The following KLC1 variants were observed in gnomAD, a reference collection of about 807,000 sequenced individuals.
KLC1 encodes the protein kinesin 2 60/70kDa.
In KLC1, 30 loss-of-function variants were observed where a neutral mutation model predicts 84.2. The ratio of observed to expected loss-of-function variants is 0.36; its 90% CI spans 0.27 to 0.48. The LOEUF is 0.48. KLC1 is among the 20% of genes least tolerant of loss of function. The pLI is 0.99. For missense variants in KLC1, 499 were observed against 805.4 expected (o/e 0.62, Z 4.60); for synonymous variants, 289 against 293.3 (o/e 0.99, Z 0.15).
chr14:103,672,994 A>G lies in KLC1; in HGVS notation c.988-20A>G, dbSNP rs1448576734. On this transcript the variant is annotated intron_variant, in intron 7 of 16. Transcript: ENST00000334553. Reference sequence around the variant, plus strand: ...TGGAAGCAGAACAAGTGTCTCTAATATGCTGTTTTTTATTTTCAGGTTTTG... The same window carrying G: ...TGGAAGCAGAACAAGTGTCTCTAATGTGCTGTTTTTTATTTTCAGGTTTTG... The G allele has an allele frequency of 3.1e-6, 5 of 1,611,426 alleles. No homozygotes were observed. The highest frequency in any genetic ancestry group is 4.2e-6 in the Non-Finnish European group (5 of 1,177,842).
At chr14:103,673,787 A>G (rs578246453) in intron 9 of KLC1, among the ~76,000 whole-genome samples, 370 of 152,166 alleles carry the variant, frequency 2.4e-3, no homozygotes, top group African/African-American at 8.6e-3. Context: ...GCCGGGTGTG[A>G]TGGCGGCCGC....
intron 12 of KLC1, 105 bp downstream of exon 12, chr14:103,677,628 G>A: frequency 1.3e-6 from 1 of 746,500 alleles, no homozygotes; most frequent in Non-Finnish European, 2.3e-6. Context: ...AGAAAATGTT[G>A]ATTATTTTAG....
Position 103,694,995 on chromosome 14 carries a change from G to A in KLC1, c.1848+2570G>A, listed in dbSNP as rs540883750. ...GCCCTGTGGAGCCAGCGTTGTCCCC[G>A]AGCTGCTCGCCTGTGGCCGTGGCTC... On this transcript the variant is annotated intron_variant, in intron 15 of 16. Coordinates refer to ENST00000334553, the MANE Select transcript of KLC1 (RefSeq NM_001394837.1). The surrounding 1 kb of genome is among the most constrained non-coding windows in gnomAD (Gnocchi z 4.5). 3.0e-6 allele frequency: 3 copies of A among 985,386 alleles called. No individual in the cohort carries two copies. The highest frequency in any genetic ancestry group is 4.7e-5 in the South Asian group (1 of 21,288). The allele number at this position is 985,386 out of a possible 1,614,324, so 61.0% of individuals were successfully genotyped here.
chr14:103,683,892 T>G (rs1047062327), intron 13 of KLC1: 1 of 152,148 alleles, frequency 6.6e-6, no homozygotes, highest in Non-Finnish European at 1.5e-5. Flanking sequence ...AAAATGACAA[T>G]AAGGGCTGGA....
intron 2 of KLC1, among the ~76,000 whole-genome samples, chr14:103,657,258 T>G (rs1429828138): frequency 3.9e-5 from 6 of 152,142 alleles, no homozygotes; most frequent in Non-Finnish European, 8.8e-5. Context: ...TACAGTTTCA[T>G]CAGAAGGGTA....
At chr14:103,642,367 A>G (rs1050329688) in intron 1 of KLC1, among the ~76,000 whole-genome samples, 2 of 152,230 alleles carry the variant, frequency 1.3e-5, no homozygotes, top group Non-Finnish European at 2.9e-5. Flanking sequence ...TGGGGGGCAC[A>G]CATTGATTCC....
chr14:103,686,260 T>A, intron 13 of KLC1: 1 of 980,932 alleles, frequency 1.0e-6, no homozygotes, highest in Non-Finnish European at 1.2e-6. Flanking sequence ...TGGTAGAACT[T>A]CTCACTCTTT....
chr14:103,671,169 AATTATT>A (rs772380262), intron 7 of KLC1, among the ~76,000 whole-genome samples: 1 of 152,124 alleles, frequency 6.6e-6, no homozygotes, highest in African/African-American at 2.4e-5. Context: ...AAAATGAAAT[AATTATT>A]ATTATAACTA....
intron 14 of KLC1, chr14:103,687,701 T>A (rs1402848177): frequency 6.6e-6 from 1 of 152,150 alleles, no homozygotes; most frequent in East Asian, 1.9e-4. Flanking sequence ...CTTTTAAGAC[T>A]TTATTATAAG....
chr14:103,631,203 A>G (rs2076657394), intron 1 of KLC1, among the ~76,000 whole-genome samples: 3 of 150,764 alleles, frequency 2.0e-5, no homozygotes, highest in Non-Finnish European at 4.4e-5. Flanking sequence ...GCCTCAACCT[A>G]CTGAGTAGCT....
In KLC1 at chr14:103,691,409, C is replaced by T. The variant is rs948611758; in HGVS notation, c.1782-950C>T. 2.7e-5 allele frequency among the ~76,000 whole-genome samples: 4 copies of T among 149,980 alleles called. No individual in the cohort carries two copies. The Admixed American group carries it at 2.7e-4, about 10-fold the overall frequency. On this transcript the variant is annotated intron_variant, in intron 14 of 16. Transcript: ENST00000334553. Reference sequence around the variant, plus strand: ...TCTGGGCCTCAAGTGATCCACCCGCCTCAGTCTCCCAAAGTGCTGGGATTA... The same window carrying T: ...TCTGGGCCTCAAGTGATCCACCCGCTTCAGTCTCCCAAAGTGCTGGGATTA...
In KLC1 at chr14:103,654,743, A is replaced by G. The variant is rs762519834; in HGVS notation, c.179A>G (p.Asp60Gly). The stretch of plus-strand genomic sequence containing the variant: ...ACACTGAAGTGTTTGAAGAAAGATG[A>G]TGAAAGTAATTTGGTGGAGGAGAAA... ...LETLKCLKKD[D>G]ESNLVEEKSN... The change falls in exon 2 of 17, where the codon GAT becomes GGT. Residue 60 changes from aspartate to glycine, a missense_variant. By Grantham distance (94) the Asp-to-Gly change is moderately conservative. Coordinates refer to ENST00000334553, the MANE Select transcript of KLC1 (RefSeq NM_001394837.1). 1 of 1,614,230 alleles carries G rather than the reference A, an allele frequency of 6.2e-7. No individual in the cohort carries two copies. Among genetic ancestry groups the G allele is most frequent in the Non-Finnish European group, 8.5e-7 (1 of 1,180,036 alleles).
intron 12 of KLC1, 93 bp from the exon 13 acceptor site, chr14:103,679,288 GTTT>G (rs369024927): frequency 2.7e-4 from 298 of 1,102,420 alleles, no homozygotes; most frequent in Non-Finnish European, 3.1e-4. Flanking sequence ...ATTAAGAACT[GTTT>G]TTTTTTTTTT....
chr14:103,694,008 TAAGAATCTGGAAACATA>T lies in KLC1; in HGVS notation c.1848+1587_1848+1603del. 1 of 1,033,636 alleles carries T rather than the reference TAAGAATCTGGAAACATA, an allele frequency of 9.7e-7. No individual in the cohort carries two copies. The highest frequency in any genetic ancestry group is 1.2e-6 in the Non-Finnish European group (1 of 861,162). 64.0% of individuals were successfully genotyped at this position (1,033,636 alleles called of 1,614,324 possible). Reference sequence around the variant, plus strand: ...GTAATATTGTAATAAGGCTGTAAATTAAGAATCTGGAAACATAAAGTACCCCTTTCAGAACGATAGGC... The same window carrying T: ...GTAATATTGTAATAAGGCTGTAAATTAAGTACCCCTTTCAGAACGATAGGC... On this transcript the variant is annotated intron_variant, in intron 15 of 16. Transcript: ENST00000334553. The surrounding 1 kb of genome is among the most constrained non-coding windows in gnomAD (Gnocchi z 4.5).
At chr14:103,675,636 T>C (rs1319111002) in intron 10 of KLC1, 35 bp downstream of exon 10, 4 of 1,602,820 alleles carry the variant, frequency 2.5e-6, no homozygotes, top group Non-Finnish European at 3.4e-6. Flanking sequence ...TTCTAAATTG[T>C]ATATACTGCA....
chr14:103,667,341 G>T (rs563873259), intron 5 of KLC1, among the ~76,000 whole-genome samples: 1 of 150,838 alleles, frequency 6.6e-6, no homozygotes, highest in African/African-American at 2.4e-5. Flanking sequence ...TCCTGACCTC[G>T]GGTGATCTAC....
chr14:103,654,086 C>T (rs957653787), intron 1 of KLC1, among the ~76,000 whole-genome samples: 1 of 152,182 alleles, frequency 6.6e-6, no homozygotes, highest in East Asian at 1.9e-4. Flanking sequence ...CAGGTCTGCT[C>T]CTCCCCTGCT....
rs2082167007 is a variant in KLC1 at position 103,692,296 on chromosome 14, T to A, written c.1782-63T>A. 2.0e-6 allele frequency: 3 copies of A among 1,474,210 alleles called. No individual in the cohort carries two copies. The Admixed American group carries it at 5.9e-5, about 29-fold the overall frequency. 91.3% of individuals were successfully genotyped at this position (1,474,210 alleles called of 1,614,324 possible). On this transcript the variant is annotated intron_variant, in intron 14 of 16. Transcript: ENST00000334553. The stretch of plus-strand genomic sequence containing the variant: ...CGTTGGAGGGGGCTTTGCTTGTGCT[T>A]CCTGTTGCTGGTTGACCGATGTGCT...
At chr14:103,678,001 C>T (rs192381302) in intron 12 of KLC1, among the ~76,000 whole-genome samples, 3 of 140,636 alleles carry the variant, frequency 2.1e-5, no homozygotes, top group Non-Finnish European at 4.6e-5. Context: ...TGAGGCTGGG[C>T]ACAGTGGCTC....
Sources: allele counts gnomAD v4.1 joint callset (sites outside exome capture counted in the v4.1 genomes callset), GRCh38; gene constraint gnomAD v4.1.1; non-coding constraint Gnocchi (gnomAD v3.1); transcripts MANE v1.5; gene names NCBI Gene and HGNC (gene_info 2026-07-23, HGNC 2026-07-21).